TXNDC5: variants seen among roughly 807,000 people sequenced by gnomAD.
The protein encoded by TXNDC5 is thioredoxin domain containing 5.
In TXNDC5, 44 loss-of-function variants were observed where a neutral mutation model predicts 52.6. The ratio of observed to expected loss-of-function variants is 0.84; its 90% CI spans 0.66 to 1.08. TXNDC5 has a LOEUF of 1.08. Ranked by LOEUF, TXNDC5 falls within the 50% of genes least tolerant of loss-of-function variation. TXNDC5 has a pLI of 0.00. For synonymous variants in TXNDC5, 241 were observed against 234.4 expected (o/e 1.03, Z -0.26); for missense variants, 600 against 565.5 (o/e 1.06, Z -0.62).
chr6:7,885,602 CA>C (rs770556276), intron 8 of TXNDC5, among the ~76,000 whole-genome samples: 55 of 152,178 alleles, frequency 3.6e-4, no homozygotes, highest in Non-Finnish European at 6.5e-4. Context: ...ATTGTTTAGC[CA>C]AAAAGAAAAG....
rs1759807553 is a variant in TXNDC5 at position 7,882,699 on chromosome 6, G to GATC, written c.*442_*444dup. 5.6e-6 allele frequency: 1 copy of GATC among 178,022 alleles called. No homozygotes were observed. Among genetic ancestry groups the GATC allele is most frequent in the Non-Finnish European group, 1.2e-5 (1 of 83,182 alleles). 11.0% of individuals were successfully genotyped at this position (178,022 alleles called of 1,614,324 possible). Reference sequence around the variant, plus strand: ...AGTATTGAGTCAACTGTGACCTTAAGATCAGAGGAACGTCAATACTGCCAC... The same window carrying GATC: ...AGTATTGAGTCAACTGTGACCTTAAGATCATCAGAGGAACGTCAATACTGCCAC... On this transcript the variant is annotated 3_prime_UTR_variant, in exon 10 of 10. Coordinates refer to ENST00000379757, the MANE Select transcript of TXNDC5 (RefSeq NM_030810.5).
intron 1 of TXNDC5, 120 bp downstream of exon 1, chr6:7,910,394 C>T: frequency 1.7e-6 from 2 of 1,144,578 alleles, no homozygotes; most frequent in Non-Finnish European, 2.2e-6. Flanking sequence ...AGCACGCACG[C>T]CGCAGACCAG....
chr6:7,908,070 G>C (rs9502662), intron 1 of TXNDC5, among the ~76,000 whole-genome samples: 11,013 of 152,126 alleles, frequency 0.072, 1,107 homozygotes, highest in African/African-American at 0.22. Context: ...AGAACACGAG[G>C]TCAAGAGATC....
chr6:7,906,034 G>A (rs1760717172), intron 1 of TXNDC5, among the ~76,000 whole-genome samples: 1 of 151,788 alleles, frequency 6.6e-6, no homozygotes, highest in Non-Finnish European at 1.5e-5. Flanking sequence ...GAGCCCAGGG[G>A]TTCAAGACTG....
chr6:7,887,106 C>CAACT (rs142437697), intron 7 of TXNDC5, among the ~76,000 whole-genome samples: 26,263 of 151,924 alleles, frequency 0.17, 2,438 homozygotes, highest in African/African-American at 0.26. Flanking sequence ...ACCAAAACGT[C>CAACT]AACTTTTAAA....
At chr6:7,910,114 C>T (rs1760865728) in intron 1 of TXNDC5, 2 of 986,562 alleles carry the variant, frequency 2.0e-6, no homozygotes, top group Non-Finnish European at 2.4e-6. Flanking sequence ...TCCCGGCTGT[C>T]CCCTAGGGGT....
chr6:7,884,446 G>C lies in TXNDC5; in HGVS notation c.1089C>G (p.Leu363=), dbSNP rs1183173098. 6.2e-7 allele frequency: 1 copy of C among 1,614,084 alleles called. No homozygotes were observed. The highest frequency in any genetic ancestry group is 8.5e-7 in the Non-Finnish European group (1 of 1,179,998). ...CKTLAPTWEE[L]SKKEFPGLAG... ...CCAGACCAGGGAATTCCTTTTTAGAGAGTTCCTCCCAAGTAGGAGCCAGAG... is the reference window on the plus strand; with the variant it reads ...CCAGACCAGGGAATTCCTTTTTAGACAGTTCCTCCCAAGTAGGAGCCAGAG... The change falls in exon 9 of 10, where the codon CTC becomes CTG. Residue 363 remains leucine, a synonymous_variant. Transcript: ENST00000379757.
At chr6:7,886,601 A>G (rs1311464409) in intron 7 of TXNDC5, among the ~76,000 whole-genome samples, 1 of 152,270 alleles carries the variant, frequency 6.6e-6, no homozygotes, top group Non-Finnish European at 1.5e-5. Flanking sequence ...AATGGAAAGC[A>G]GCCTGTTCTA....
At chr6:7,905,525 T>C (rs867917379) in intron 1 of TXNDC5, among the ~76,000 whole-genome samples, 3 of 152,218 alleles carry the variant, frequency 2.0e-5, no homozygotes, top group Non-Finnish European at 4.4e-5. Flanking sequence ...AAATCACCCA[T>C]CATTTAAAAT....
intron 3 of TXNDC5, among the ~76,000 whole-genome samples, chr6:7,897,630 A>G (rs1760417872): frequency 6.6e-6 from 1 of 152,208 alleles, no homozygotes; most frequent in Non-Finnish European, 1.5e-5. Context: ...GAGGAGACAG[A>G]AAGTCCCTTG....
At chr6:7,909,159 C>G (rs1458247511) in intron 1 of TXNDC5, among the ~76,000 whole-genome samples, 1 of 152,200 alleles carries the variant, frequency 6.6e-6, no homozygotes, top group Non-Finnish European at 1.5e-5. Flanking sequence ...AGCCTGAATA[C>G]AAGGTTAAGA....
At chr6:7,907,874 G>A (rs1225959) in intron 1 of TXNDC5, among the ~76,000 whole-genome samples, 8 of 152,066 alleles carry the variant, frequency 5.3e-5, no homozygotes, top group Admixed American at 5.2e-4. Context: ...CAGCCTATTC[G>A]TGAGCCCTAC....
At chr6:7,890,301 G>A (rs797015205) in intron 5 of TXNDC5, among the ~76,000 whole-genome samples, 5 of 152,210 alleles carry the variant, frequency 3.3e-5, no homozygotes, top group African/African-American at 9.6e-5. Context: ...GTCAGCAAAC[G>A]GGGGTAAAAA....
chr6:7,901,609 CTTGCAGTGAGT>C (rs1284297390), intron 2 of TXNDC5, among the ~76,000 whole-genome samples: 1 of 152,178 alleles, frequency 6.6e-6, no homozygotes, highest in Admixed American at 6.5e-5. Context: ...TGGTCCAGAC[CTTGCAGTGAGT>C]TTGGGACATC....
intron 1 of TXNDC5, among the ~76,000 whole-genome samples, chr6:7,907,744 C>T (rs996226632): frequency 2.0e-5 from 3 of 152,190 alleles, no homozygotes; most frequent in Non-Finnish European, 2.9e-5. Flanking sequence ...TCCAGAGTCA[C>T]CACCTTGCTC....
intron 1 of TXNDC5, chr6:7,910,183 G>C (rs1561818015): frequency 3.1e-6 from 3 of 978,934 alleles, no homozygotes; most frequent in Admixed American, 6.1e-5. Context: ...GCCAGTGCCC[G>C]GCCCGCTGAG....
At chr6:7,910,202 T>TC (rs1760870423) in intron 1 of TXNDC5, 9 of 953,350 alleles carry the variant, frequency 9.4e-6, no homozygotes, top group Non-Finnish European at 1.1e-5. Flanking sequence ...AGCTCACGCC[T>TC]CCCGACCCGG....
chr6:7,890,638 A>T (rs2113333749), intron 5 of TXNDC5, among the ~76,000 whole-genome samples: 1 of 152,360 alleles, frequency 6.6e-6, no homozygotes, highest in East Asian at 1.9e-4. Flanking sequence ...CAATAAATAT[A>T]AACTGATAAT....
In TXNDC5 at chr6:7,906,333, C is replaced by T. The variant is rs187269474; in HGVS notation, c.264-1610G>A. Among the ~76,000 whole-genome samples the T allele has an allele frequency of 2.1e-3, 321 of 152,018 alleles. 2 individuals are homozygous for T. Among genetic ancestry groups the T allele is most frequent in the African/African-American group, 6.2e-3 (257 of 41,458 alleles). ...CAAGCGGATCACAAGGTCAGGAGTT[C>T]GAGACCAGCCTGACCAACAAGGTGA... On this transcript the variant is annotated intron_variant, in intron 1 of 9. Coordinates refer to ENST00000379757, the MANE Select transcript of TXNDC5 (RefSeq NM_030810.5).
Sources: allele counts gnomAD v4.1 joint callset (sites outside exome capture counted in the v4.1 genomes callset), GRCh38; gene constraint gnomAD v4.1.1; transcripts MANE v1.5; gene names NCBI Gene and HGNC (gene_info 2026-07-23, HGNC 2026-07-21).